Variants in CCSER1 observed in about 807,000 individuals in gnomAD.
The protein encoded by CCSER1 is coiled-coil serine rich protein 1, also known as serine-rich coiled-coil domain-containing protein 1.
Under a neutral mutation model 82.0 loss-of-function variants are expected in CCSER1, and 41 were observed. The observed-to-expected ratio is 0.50, with a 90% confidence interval of 0.39 to 0.65. The LOEUF (loss-of-function observed/expected upper bound fraction) is 0.65. Ranked by LOEUF, CCSER1 falls within the 30% of genes least tolerant of loss-of-function variation. The pLI is 0.00. For synonymous variants in CCSER1, 414 were observed against 383.9 expected (o/e 1.08, Z -0.92); for missense variants, 1,119 against 1,064.2 (o/e 1.05, Z -0.72).
intron 8 of CCSER1, among the ~76,000 whole-genome samples, chr4:90,816,055 A>T (rs1758967767): frequency 6.6e-6 from 1 of 152,228 alleles, no homozygotes; most frequent in Admixed American, 6.5e-5. Context: ...ATATGTGGAA[A>T]TGTATATGGT....
At chr4:90,220,137 T>A (rs1741855012) in intron 1 of CCSER1, among the ~76,000 whole-genome samples, 1 of 152,170 alleles carries the variant, frequency 6.6e-6, no homozygotes, top group Non-Finnish European at 1.5e-5. Context: ...ATATTTTGTT[T>A]TTAGTTATTT....
At chr4:91,311,899 C>A (rs927596966) in intron 10 of CCSER1, among the ~76,000 whole-genome samples, 7 of 151,858 alleles carry the variant, frequency 4.6e-5, no homozygotes, top group Admixed American at 1.3e-4. Context: ...TTACTCAAAA[C>A]CACTATTCAC....
chr4:90,385,127 C>T lies in CCSER1; in HGVS notation c.1510-14909C>T, dbSNP rs371116120. On this transcript the variant is annotated intron_variant, in intron 3 of 10. Coordinates refer to ENST00000509176, the MANE Select transcript of CCSER1 (RefSeq NM_001145065.2). ...TGCCACATTTTCTTTATCTACTCAT[C>T]GGTTGATGGACACTTAGATTCATTC... Among the ~76,000 whole-genome samples, 107 of 152,174 alleles carry T rather than the reference C, an allele frequency of 7.0e-4. 3 individuals carry two copies. The highest frequency in any genetic ancestry group is 2.2e-3 in the Admixed American group (33 of 15,282).
chr4:91,454,894 G>A (rs72658013), intron 10 of CCSER1, among the ~76,000 whole-genome samples: 19,664 of 151,676 alleles, frequency 0.13, 1,422 homozygotes, highest in African/African-American at 0.19. Flanking sequence ...TCTCGATTTT[G>A]AAATGTTCAC....
intron 10 of CCSER1, among the ~76,000 whole-genome samples, chr4:91,483,905 C>T (rs1332325680): frequency 2.0e-5 from 3 of 151,998 alleles, no homozygotes; most frequent in African/African-American, 7.2e-5. Context: ...AATAGAGTTG[C>T]TTTCTGGTTT....
intron 8 of CCSER1, among the ~76,000 whole-genome samples, chr4:90,915,124 C>T (rs965575735): frequency 3.9e-5 from 6 of 152,064 alleles, no homozygotes; most frequent in Admixed American, 3.9e-4. Context: ...GAAACTATTC[C>T]AATCAATAGA....
intron 10 of CCSER1, chr4:91,325,233 C>T (rs1028278116): frequency 8.8e-6 from 4 of 453,800 alleles, no homozygotes; most frequent in Non-Finnish European, 1.8e-5. Context: ...GGCTGTTGCA[C>T]ATCTAAGCCT....
intron 5 of CCSER1, among the ~76,000 whole-genome samples, chr4:90,533,822 T>C (rs1461350049): frequency 6.6e-6 from 1 of 152,250 alleles, no homozygotes; most frequent in Non-Finnish European, 1.5e-5. Context: ...GATTGATTCT[T>C]TTATTCATTC....
intron 1 of CCSER1, among the ~76,000 whole-genome samples, chr4:90,149,543 A>G (rs1171207122): frequency 2.6e-5 from 4 of 152,188 alleles, no homozygotes; most frequent in Admixed American, 2.0e-4. Context: ...GACAATCTCA[A>G]CATTCAGTTA....
chr4:90,406,526 A>G (rs1167509507), intron 4 of CCSER1, among the ~76,000 whole-genome samples: 1 of 152,236 alleles, frequency 6.6e-6, no homozygotes, highest in African/African-American at 2.4e-5. Flanking sequence ...AGATATTTAC[A>G]GAACATTCTA....
At chr4:90,562,336 A>C (rs1167490448) in intron 5 of CCSER1, among the ~76,000 whole-genome samples, 2 of 152,112 alleles carry the variant, frequency 1.3e-5, no homozygotes, top group Admixed American at 6.6e-5. Context: ...TTTGTCACTC[A>C]TCAGGTTAGT....
At chr4:90,762,774 C>T (rs1219121782) in intron 7 of CCSER1, among the ~76,000 whole-genome samples, 2 of 151,942 alleles carry the variant, frequency 1.3e-5, no homozygotes, top group Admixed American at 6.6e-5. Flanking sequence ...TGCCTTAATC[C>T]GGGAGCCTGT....
intron 10 of CCSER1, among the ~76,000 whole-genome samples, chr4:91,582,493 A>G (rs1049385036): frequency 6.6e-6 from 1 of 151,540 alleles, no homozygotes; most frequent in African/African-American, 2.4e-5. Context: ...CTATTGCTCA[A>G]ATTTGTATAA....
chr4:91,102,543 T>C (rs1725179987), intron 10 of CCSER1, among the ~76,000 whole-genome samples: 1 of 152,242 alleles, frequency 6.6e-6, no homozygotes, highest in Non-Finnish European at 1.5e-5. Flanking sequence ...ATTTTGACTT[T>C]TGAATCAATA....
chr4:90,183,241 C>G (rs960236284), intron 1 of CCSER1, among the ~76,000 whole-genome samples: 1 of 151,970 alleles, frequency 6.6e-6, no homozygotes, highest in African/African-American at 2.4e-5. Context: ...AGCTTTCCTC[C>G]CATTCATATA....
intron 9 of CCSER1, among the ~76,000 whole-genome samples, chr4:90,988,334 C>CAAAAAAAAAAAAAAAAAAAAAA (rs60408059): frequency 1.3e-5 from 1 of 75,368 alleles, no homozygotes; most frequent in African/African-American, 5.8e-5. Context: ...TATCTTGTCT[C>CAAAAAAAAAAAAAAAAAAAAAA]AAAAAAAAAA....
intron 1 of CCSER1, among the ~76,000 whole-genome samples, chr4:90,171,412 A>G (rs917448704): frequency 6.6e-6 from 1 of 151,932 alleles, no homozygotes; most frequent in Non-Finnish European, 1.5e-5. Flanking sequence ...GTAACCATTT[A>G]CTACTATTAA....
intron 10 of CCSER1, among the ~76,000 whole-genome samples, chr4:91,548,522 AT>A: frequency 6.8e-6 from 1 of 147,950 alleles, no homozygotes; most frequent in South Asian, 2.1e-4. Flanking sequence ...TTATTTTAAC[AT>A]TTTTTTGCTA....
chr4:91,118,400 G>A (rs1726816160), intron 10 of CCSER1, among the ~76,000 whole-genome samples: 1 of 149,750 alleles, frequency 6.7e-6, no homozygotes, highest in South Asian at 2.1e-4. Context: ...TCAGCCTCCT[G>A]AGTACCTAGG....
Sources: gnomAD v4.1 joint callset for allele counts (sites outside exome capture counted in the v4.1 genomes callset) on GRCh38, gnomAD v4.1.1 for gene constraint, MANE v1.5 for transcripts, NCBI Gene and HGNC (gene_info 2026-07-23, HGNC 2026-07-21) for gene names.